Variants in CNTN4 observed in about 807,000 individuals in gnomAD.
CNTN4 encodes the protein contactin-4.
A neutral mutation model predicts 122.5 loss-of-function variants in CNTN4; 77 were observed. That is an observed-to-expected ratio of 0.63 (90% confidence interval 0.52 to 0.76). The LOEUF is 0.76. Ranked by LOEUF, CNTN4 falls within the 30% of genes least tolerant of loss-of-function variation. The pLI is 0.00. For synonymous variants in CNTN4, 512 were observed against 447.0 expected (o/e 1.15, Z -1.83); for missense variants, 1,256 against 1,259.1 (o/e 1.00, Z 0.04).
intron 2 of CNTN4, chr3:2,238,975 T>C (rs1432676590): frequency 6.7e-6 from 1 of 149,068 alleles, no homozygotes; most frequent in Non-Finnish European, 1.5e-5. Context: ...TCCGCCCGCC[T>C]CGGCCTCCCA....
intron 2 of CNTN4, among the ~76,000 whole-genome samples, chr3:2,284,424 T>G (rs1016901198): frequency 6.6e-6 from 1 of 152,142 alleles, no homozygotes; most frequent in Non-Finnish European, 1.5e-5. Context: ...CCTGTGTTTA[T>G]TATGCCATTA....
At chr3:2,522,375 A>G (rs2077253315) in intron 3 of CNTN4, among the ~76,000 whole-genome samples, 1 of 152,052 alleles carries the variant, frequency 6.6e-6, no homozygotes, top group Non-Finnish European at 1.5e-5. Flanking sequence ...CTAACAAACG[A>G]TGTAGTCTTA....
intron 3 of CNTN4, among the ~76,000 whole-genome samples, chr3:2,525,797 G>A (rs2149189914): frequency 6.6e-6 from 1 of 152,200 alleles, no homozygotes; most frequent in Middle Eastern, 3.4e-3. Context: ...GAGTACTGAA[G>A]GAAATGGTTG....
intron 4 of CNTN4, among the ~76,000 whole-genome samples, chr3:2,664,693 G>A (rs2084062216): frequency 6.6e-6 from 1 of 152,086 alleles, no homozygotes; most frequent in Non-Finnish European, 1.5e-5. Context: ...GTATTCTCCA[G>A]GTTTTCTTGG....
chr3:2,477,409 GCT>G (rs2075864289), intron 3 of CNTN4, among the ~76,000 whole-genome samples: 1 of 152,056 alleles, frequency 6.6e-6, no homozygotes, highest in African/African-American at 2.4e-5. Context: ...CATGACATAA[GCT>G]CTGTGGTAAA....
chr3:2,807,201 T>C (rs1171343347), intron 6 of CNTN4, among the ~76,000 whole-genome samples: 1 of 152,190 alleles, frequency 6.6e-6, no homozygotes, highest in Non-Finnish European at 1.5e-5. Flanking sequence ...GCAAGGGGCA[T>C]GAGCAATGGC....
intron 2 of CNTN4, among the ~76,000 whole-genome samples, chr3:2,291,665 C>T (rs1440259524): frequency 1.3e-5 from 2 of 151,856 alleles, no homozygotes; most frequent in Admixed American, 6.6e-5. Context: ...CCCTAAAATT[C>T]TTCTGAGTTT....
chr3:2,750,725 C>T (rs2090048441), intron 6 of CNTN4, among the ~76,000 whole-genome samples: 1 of 152,160 alleles, frequency 6.6e-6, no homozygotes, highest in African/African-American at 2.4e-5. Context: ...TCTATTTCAC[C>T]TAGGGCTACA....
At chr3:2,877,634 G>A (rs1414750419) in intron 8 of CNTN4, among the ~76,000 whole-genome samples, 1 of 152,132 alleles carries the variant, frequency 6.6e-6, no homozygotes, top group African/African-American at 2.4e-5. Context: ...GTAGACCTGG[G>A]TAGGTCTTTA....
At chr3:2,391,054 A>C (rs891773843) in intron 3 of CNTN4, among the ~76,000 whole-genome samples, 10 of 152,196 alleles carry the variant, frequency 6.6e-5, no homozygotes, top group African/African-American at 2.4e-4. Context: ...GCTGGACTGT[A>C]ATGGGGAACC....
intron 12 of CNTN4, among the ~76,000 whole-genome samples, chr3:2,921,239 G>A (rs1283192501): frequency 6.6e-6 from 1 of 152,146 alleles, no homozygotes. Context: ...GTCTCACTGT[G>A]TCACCGAGGC....
At chr3:2,276,885 C>T (rs776464409) in intron 2 of CNTN4, among the ~76,000 whole-genome samples, 62 of 152,036 alleles carry the variant, frequency 4.1e-4, no homozygotes, top group Non-Finnish European at 7.2e-4. Flanking sequence ...CACTGCACTC[C>T]AGCCTGGGCG....
intron 2 of CNTN4, among the ~76,000 whole-genome samples, chr3:2,311,002 T>C (rs1483196415): frequency 6.6e-6 from 1 of 152,118 alleles, no homozygotes; most frequent in Non-Finnish European, 1.5e-5. Flanking sequence ...TTTTCCAGAC[T>C]TTTTTATTTT....
intron 13 of CNTN4, among the ~76,000 whole-genome samples, chr3:2,973,189 A>T (rs746027882): frequency 5.9e-5 from 9 of 152,202 alleles, no homozygotes; most frequent in South Asian, 2.1e-4. Context: ...ATTATTTAGA[A>T]ACGAGAGGAG....
chr3:2,263,071 C>T (rs1266768129), intron 2 of CNTN4, among the ~76,000 whole-genome samples: 3 of 151,888 alleles, frequency 2.0e-5, no homozygotes, highest in South Asian at 2.1e-4. Flanking sequence ...TGTGTGGCTG[C>T]AAAAAAGGCT....
rs2093361386 is a variant in CNTN4 at position 2,841,510 on chromosome 3, T to A, written c.454+21929T>A. 6.6e-6 allele frequency among the ~76,000 whole-genome samples: 1 copy of A among 152,228 alleles called. No individual in the cohort carries two copies. The highest frequency in any genetic ancestry group is 2.4e-5 in the African/African-American group (1 of 41,464). ...ATGAAGACCGAGTCAAGGGTTCCAT[T>A]TGTAGCCATCAATAAAGAGATTAAT... On this transcript the variant is annotated intron_variant, in intron 7 of 24. Coordinates refer to ENST00000418658, the MANE Select transcript of CNTN4 (RefSeq NM_175607.3). This position sits in a 1 kb window ranked among gnomAD's most constrained non-coding sequence, Gnocchi z 4.8.
At chr3:2,638,496 T>C (rs1480709510) in intron 4 of CNTN4, among the ~76,000 whole-genome samples, 1 of 152,220 alleles carries the variant, frequency 6.6e-6, no homozygotes, top group African/African-American at 2.4e-5. Context: ...ATTTATCTTT[T>C]TTTTTTTACT....
chr3:2,366,607 G>A (rs1310409128), intron 3 of CNTN4, among the ~76,000 whole-genome samples: 1 of 151,862 alleles, frequency 6.6e-6, no homozygotes, highest in African/African-American at 2.4e-5. Flanking sequence ...GGCGCCTGTA[G>A]TCCCAGCTAC....
Position 2,157,332 on chromosome 3 carries a change from C to T in CNTN4, c.-145+56693C>T, listed in dbSNP as rs78440531. ...AAGTAGAGGGAGGAGGTGTGCACTC[C>T]GACGAGAAATGAGACAGGTGGGGAA... On this transcript the variant is annotated intron_variant, in intron 2 of 24. Coordinates refer to ENST00000418658, the MANE Select transcript of CNTN4 (RefSeq NM_175607.3). Among the ~76,000 whole-genome samples, 3 of 151,942 alleles carry T rather than the reference C, an allele frequency of 2.0e-5. No homozygotes were observed. The East Asian group carries it at 5.8e-4, about 30-fold the overall frequency.
Sources: gnomAD v4.1 joint callset for allele counts (sites outside exome capture counted in the v4.1 genomes callset) on GRCh38, gnomAD v4.1.1 for gene constraint, Gnocchi (gnomAD v3.1) non-coding constraint, MANE v1.5 for transcripts, NCBI Gene and HGNC (gene_info 2026-07-23, HGNC 2026-07-21) for gene names.